Variants in TRAPPC9 observed in about 807,000 individuals in gnomAD.
TRAPPC9 encodes the protein IKK2 binding protein.
Under a neutral mutation model 124.0 loss-of-function variants are expected in TRAPPC9, and 83 were observed. That is an observed-to-expected ratio of 0.67 (90% CI 0.56 to 0.80). The LOEUF (loss-of-function observed/expected upper bound fraction) is 0.80. Among genes scored for constraint, TRAPPC9 ranks in the 30% least tolerant of loss-of-function variants. TRAPPC9 has a pLI of 0.00. For missense variants in TRAPPC9, 1,302 were observed against 1,508.3 expected, an observed-to-expected ratio of 0.86 and a Z score of 2.27; for synonymous variants, 638 against 617.5, an observed-to-expected ratio of 1.03 and a Z score of -0.49.
intron 19 of TRAPPC9, among the ~76,000 whole-genome samples, chr8:139,963,735 A>G (rs1181969934): frequency 7.8e-6 from 1 of 128,312 alleles, no homozygotes; most frequent in Admixed American, 8.3e-5. Flanking sequence ...ATTCCCTCCG[A>G]GAACCAGTTC....
chr8:140,187,847 G>GT (rs2062386907), intron 17 of TRAPPC9, among the ~76,000 whole-genome samples: 1 of 152,094 alleles, frequency 6.6e-6, no homozygotes, highest in South Asian at 2.1e-4. Flanking sequence ...GCTAATTTTT[G>GT]TATTTTTTGT....
chr8:139,929,523 A>G (rs901552826), intron 19 of TRAPPC9, among the ~76,000 whole-genome samples: 1 of 151,998 alleles, frequency 6.6e-6, no homozygotes, highest in Non-Finnish European at 1.5e-5. Context: ...ATCATGAGAA[A>G]AAAAAAAAAG....
At chr8:140,426,792 C>T (rs1362722227) in intron 4 of TRAPPC9, 151 bp from the exon 5 acceptor site, 27 of 743,144 alleles carry the variant, frequency 3.6e-5, no homozygotes, top group Admixed American at 5.0e-5. Flanking sequence ...CAGTATGTTA[C>T]AAGTTTGGTG....
At chr8:140,123,430 C>CT (rs1033804316) in intron 17 of TRAPPC9, among the ~76,000 whole-genome samples, 2 of 152,176 alleles carry the variant, frequency 1.3e-5, no homozygotes, top group Admixed American at 1.3e-4. Flanking sequence ...CGTGCATGGC[C>CT]TTGCAGAACC....
rs115391116 is a variant in TRAPPC9 at position 140,255,418 on chromosome 8, C to T, written c.2279-2489G>A. Among the ~76,000 whole-genome samples, 853 of 152,316 alleles carry T rather than the reference C, an allele frequency of 5.6e-3. 9 individuals are homozygous for T. Among genetic ancestry groups the T allele is most frequent in the African/African-American group, 0.02 (820 of 41,574 alleles). On this transcript the variant is annotated intron_variant, in intron 15 of 22. Transcript: ENST00000438773. ...TGCCCTTCAGCATCACCCAGTCCACCACCTTGGATGGTGTTCAGATGCTTT... is the reference window on the plus strand; with the variant it reads ...TGCCCTTCAGCATCACCCAGTCCACTACCTTGGATGGTGTTCAGATGCTTT...
rs769636519 is a variant in TRAPPC9 at position 140,439,204 on chromosome 8, A to G, written c.585-7T>C. The G allele has an allele frequency of 6.2e-7, 1 of 1,613,980 alleles. No individual in the cohort carries two copies. The highest frequency in any genetic ancestry group is 8.5e-7 in the Non-Finnish European group (1 of 1,179,952). Reference sequence around the variant, plus strand: ...GCACCGCTTCTTGTAATGTCTAGAAAATACATGAAAATGTATCTTTATTAC... The same window carrying G: ...GCACCGCTTCTTGTAATGTCTAGAAGATACATGAAAATGTATCTTTATTAC... On this transcript the variant is annotated splice_region_variant and splice_polypyrimidine_tract_variant and intron_variant, in intron 2 of 22. Coordinates refer to ENST00000438773, the MANE Select transcript of TRAPPC9 (RefSeq NM_001160372.4).
intron 11 of TRAPPC9, among the ~76,000 whole-genome samples, chr8:140,299,607 T>G (rs957815605): frequency 1.3e-5 from 2 of 152,234 alleles, no homozygotes; most frequent in Non-Finnish European, 2.9e-5. Context: ...ACAGGACGTG[T>G]GGGCTCAGCC....
chr8:140,206,238 G>T (rs1364391784), intron 17 of TRAPPC9, among the ~76,000 whole-genome samples: 2 of 152,118 alleles, frequency 1.3e-5, no homozygotes, highest in Admixed American at 6.6e-5. Context: ...AGTAAACTAG[G>T]ACTATAAGGT....
At chr8:140,397,193 T>A (rs1156770789) in intron 7 of TRAPPC9, among the ~76,000 whole-genome samples, 2 of 152,226 alleles carry the variant, frequency 1.3e-5, no homozygotes, top group African/African-American at 4.8e-5. Context: ...AGATTCAGAT[T>A]AAAGTATTAT....
intron 21 of TRAPPC9, among the ~76,000 whole-genome samples, chr8:139,809,873 C>G (rs184630111): frequency 2.0e-3 from 301 of 152,270 alleles, no homozygotes; most frequent in Non-Finnish European, 3.5e-3. Flanking sequence ...CATTCCTGAG[C>G]GGCAGGATAC....
intron 16 of TRAPPC9, among the ~76,000 whole-genome samples, chr8:140,238,824 G>A (rs796977437): frequency 6.6e-6 from 1 of 152,230 alleles, no homozygotes; most frequent in Non-Finnish European, 1.5e-5. Flanking sequence ...TGGGGCCACG[G>A]GGAAAACAGC....
chr8:139,840,426 G>A (rs1042805175), intron 21 of TRAPPC9, among the ~76,000 whole-genome samples: 3 of 152,224 alleles, frequency 2.0e-5, no homozygotes, highest in Non-Finnish European at 4.4e-5. Flanking sequence ...AGACTCAAAT[G>A]CTTAAATCTT....
intron 17 of TRAPPC9, among the ~76,000 whole-genome samples, chr8:140,035,549 C>T (rs2131994843): frequency 6.6e-6 from 1 of 152,358 alleles, no homozygotes; most frequent in South Asian, 2.1e-4. Context: ...AGACACAATG[C>T]TGGGAGCTGC....
chr8:139,836,439 T>C (rs1586952181), intron 21 of TRAPPC9, among the ~76,000 whole-genome samples: 2 of 143,538 alleles, frequency 1.4e-5, no homozygotes, highest in East Asian at 4.0e-4. Flanking sequence ...GGCAAGTGCA[T>C]GGGAAGCCGC....
chr8:140,233,063 G>C (rs920860711), intron 16 of TRAPPC9, among the ~76,000 whole-genome samples: 1 of 152,168 alleles, frequency 6.6e-6, no homozygotes, highest in Admixed American at 6.5e-5. Flanking sequence ...ACAGTCAGCC[G>C]AATCAAAGAA....
intron 16 of TRAPPC9, among the ~76,000 whole-genome samples, chr8:140,237,006 C>A (rs1244084035): frequency 6.6e-6 from 1 of 151,952 alleles, no homozygotes; most frequent in African/African-American, 2.4e-5. Context: ...CATGGTGAAA[C>A]CCCGCCTCTA....
intron 17 of TRAPPC9, among the ~76,000 whole-genome samples, chr8:140,062,457 C>T (rs1033731419): frequency 1.3e-5 from 2 of 152,164 alleles, no homozygotes; most frequent in Admixed American, 6.5e-5. Context: ...CTGTGTCCTC[C>T]GCAGCCCCAG....
chr8:140,357,161 G>A (rs2067778147), intron 9 of TRAPPC9, among the ~76,000 whole-genome samples: 1 of 152,178 alleles, frequency 6.6e-6, no homozygotes, highest in Non-Finnish European at 1.5e-5. Context: ...AAAGAGAGCA[G>A]AGGCCCAGAG....
rs1484788606 is a variant in TRAPPC9, at chr8:140,443,232, G to C, written c.585-4035C>G. ...GGGCAGATCACAAAGTCAGGAGATCGAGACCATCCTGGCTAACATGATGAA... is the reference window on the plus strand; with the variant it reads ...GGGCAGATCACAAAGTCAGGAGATCCAGACCATCCTGGCTAACATGATGAA... On this transcript the variant is annotated intron_variant, in intron 2 of 22. Transcript: ENST00000438773. 2.7e-5 allele frequency among the ~76,000 whole-genome samples: 4 copies of C among 148,184 alleles called. No individual in the cohort carries two copies. In the East Asian group the frequency reaches 6.1e-4, roughly 23 times the overall value.
Sources: gnomAD v4.1 joint callset for allele counts (sites outside exome capture counted in the v4.1 genomes callset) on GRCh38, gnomAD v4.1.1 for gene constraint, MANE v1.5 for transcripts, NCBI Gene and HGNC (gene_info 2026-07-23, HGNC 2026-07-21) for gene names.